Variants in LHFPL6 observed in about 807,000 individuals in gnomAD.
LHFPL6 encodes the protein LHFPL tetraspan subfamily member 6 protein.
LHFPL6 carries 9 observed loss-of-function variants against 20.6 expected under a neutral mutation model. That is an observed-to-expected ratio of 0.44 (90% CI 0.26 to 0.76). The LOEUF (loss-of-function observed/expected upper bound fraction) is 0.76. LHFPL6 is among the 30% of genes least tolerant of loss of function. The pLI is 0.20. For synonymous variants in LHFPL6, 105 were observed against 98.7 expected (o/e 1.06, Z -0.38); for missense variants, 218 against 253.5 (o/e 0.86, Z 0.95).
intron 2 of LHFPL6, among the ~76,000 whole-genome samples, chr13:39,402,794 T>G (rs903076849): frequency 6.6e-6 from 1 of 152,240 alleles, no homozygotes; most frequent in African/African-American, 2.4e-5. Context: ...CTATTGAGAA[T>G]GGCATAAAGG....
At chr13:39,434,127 C>A (rs578236114) in intron 2 of LHFPL6, among the ~76,000 whole-genome samples, 1 of 152,282 alleles carries the variant, frequency 6.6e-6, no homozygotes, top group Non-Finnish European at 1.5e-5. Flanking sequence ...TAAGAGACCT[C>A]TTGGCCCCAG....
chr13:39,511,161 C>G (rs1447011315), intron 2 of LHFPL6, among the ~76,000 whole-genome samples: 1 of 152,090 alleles, frequency 6.6e-6, no homozygotes, highest in East Asian at 1.9e-4. Flanking sequence ...GCGTGAGCCA[C>G]CGCACCTAGC....
At position 39,361,208 on chromosome 13, in the gene LHFPL6, T is replaced by C. The variant is rs1034704424; in HGVS notation, c.485-17154A>G. On this transcript the variant is annotated intron_variant, in intron 3 of 3. Transcript: ENST00000379589. The stretch of plus-strand genomic sequence containing the variant: ...ATTATTATTACTAACGCCGTCACTA[T>C]TAATACTTTTCTGACATCTTAACAA... Among the ~76,000 whole-genome samples, 3 of 98,188 alleles carry C rather than the reference T, an allele frequency of 3.1e-5. 1 individual carries two copies. Among genetic ancestry groups the C allele is most frequent in the Non-Finnish European group, 7.2e-5 (3 of 41,384 alleles). The allele number at this position is 98,188 out of a possible 152,430, so 64.4% of individuals were successfully genotyped here. A position where few individuals can be genotyped will look rare whatever the true frequency, so the allele number is the denominator to read the frequency against.
intron 3 of LHFPL6, among the ~76,000 whole-genome samples, chr13:39,351,521 A>G (rs887705494): frequency 6.6e-6 from 1 of 152,218 alleles, no homozygotes; most frequent in Non-Finnish European, 1.5e-5. Flanking sequence ...TGGCACTTAT[A>G]TGCCCGAGAA....
chr13:39,493,459 A>G (rs1868998776), intron 2 of LHFPL6, among the ~76,000 whole-genome samples: 1 of 152,238 alleles, frequency 6.6e-6, no homozygotes, highest in Non-Finnish European at 1.5e-5. Flanking sequence ...CGTGAATTTT[A>G]TAACACATGT....
chr13:39,425,428 A>C (rs193196091), intron 2 of LHFPL6, among the ~76,000 whole-genome samples: 65 of 152,314 alleles, frequency 4.3e-4, no homozygotes, highest in South Asian at 8.3e-4. Context: ...CTTATGGGAT[A>C]ATACCTAGGA....
At chr13:39,509,582 C>T (rs983432074) in intron 2 of LHFPL6, among the ~76,000 whole-genome samples, 3 of 151,938 alleles carry the variant, frequency 2.0e-5, no homozygotes, top group African/African-American at 7.3e-5. Flanking sequence ...ATTTTTTGGA[C>T]TATTTTAAAG....
At chr13:39,398,969 A>C (rs1415671558) in intron 2 of LHFPL6, among the ~76,000 whole-genome samples, 1 of 152,158 alleles carries the variant, frequency 6.6e-6, no homozygotes, top group Non-Finnish European at 1.5e-5. Context: ...TGGTGCCAGA[A>C]AGTTAGGGTT....
rs183778107 is a variant in LHFPL6, at chr13:39,345,394, T to C, written c.485-1340A>G. Among the ~76,000 whole-genome samples the C allele has an allele frequency of 2.2e-3, 333 of 150,960 alleles. 3 individuals carry two copies. Among genetic ancestry groups the C allele is most frequent in the African/African-American group, 7.4e-3 (304 of 41,156 alleles). On this transcript the variant is annotated intron_variant, in intron 3 of 3. Coordinates refer to ENST00000379589, the MANE Select transcript of LHFPL6 (RefSeq NM_005780.3). ...CAAGCATGGTGGTGGGCACCTGTAATCCCAACTACTCAGGAGGCTGAGGCA... is the reference window on the plus strand; with the variant it reads ...CAAGCATGGTGGTGGGCACCTGTAACCCCAACTACTCAGGAGGCTGAGGCA...
chr13:39,493,287 G>C (rs1292181841), intron 2 of LHFPL6, among the ~76,000 whole-genome samples: 1 of 133,116 alleles, frequency 7.5e-6, no homozygotes, highest in Admixed American at 8.2e-5. Context: ...TGGCCAACAT[G>C]ATGAAACTCC....
At chr13:39,426,992 A>G (rs951216140) in intron 2 of LHFPL6, among the ~76,000 whole-genome samples, 13 of 152,020 alleles carry the variant, frequency 8.6e-5, no homozygotes, top group Middle Eastern at 3.4e-3. Context: ...CAATTGTTCT[A>G]GCTTTATTTA....
intron 2 of LHFPL6, among the ~76,000 whole-genome samples, chr13:39,429,099 T>C (rs1422570498): frequency 1.3e-5 from 2 of 152,132 alleles, no homozygotes; most frequent in Admixed American, 1.3e-4. Context: ...TGAAAAAATG[T>C]GTATTCTGCT....
chr13:39,527,942 T>G (rs1223328873), intron 2 of LHFPL6, among the ~76,000 whole-genome samples: 1 of 152,228 alleles, frequency 6.6e-6, no homozygotes, highest in Non-Finnish European at 1.5e-5. Flanking sequence ...TTCTATAAGA[T>G]TCATGATCAT....
intron 2 of LHFPL6, among the ~76,000 whole-genome samples, chr13:39,455,530 T>G (rs1872549312): frequency 1.3e-5 from 2 of 152,230 alleles, no homozygotes. Flanking sequence ...TATTCTAAAT[T>G]GCCAAGAGTT....
chr13:39,488,075 G>T (rs1868785674), intron 2 of LHFPL6, among the ~76,000 whole-genome samples: 2 of 152,286 alleles, frequency 1.3e-5, no homozygotes, highest in South Asian at 4.2e-4. Context: ...TTTGGGAGAT[G>T]ATTAGGTCAT....
intron 3 of LHFPL6, among the ~76,000 whole-genome samples, chr13:39,355,192 T>A (rs1869691632): frequency 1.3e-5 from 2 of 151,704 alleles, no homozygotes; most frequent in Admixed American, 1.3e-4. Flanking sequence ...TAACAGCAGA[T>A]TTCTTAGCAG....
Position 39,472,239 on chromosome 13 carries a change from A to C in LHFPL6, c.386-93713T>G, listed in dbSNP as rs145240144. Reference sequence around the variant, plus strand: ...GGCCATTGCACAGGAGAAAGGACTCAGACACTAACAAGTAAAAATCACTGA... The same window carrying C: ...GGCCATTGCACAGGAGAAAGGACTCCGACACTAACAAGTAAAAATCACTGA... On this transcript the variant is annotated intron_variant, in intron 2 of 3. Coordinates refer to ENST00000379589, the MANE Select transcript of LHFPL6 (RefSeq NM_005780.3). Among the ~76,000 whole-genome samples, 427 of 152,314 alleles carry C rather than the reference A, an allele frequency of 2.8e-3. 3 individuals are homozygous for C. Among genetic ancestry groups the C allele is most frequent in the African/African-American group, 9.8e-3 (407 of 41,568 alleles).
chr13:39,580,306 C>T (rs551399271), intron 2 of LHFPL6, among the ~76,000 whole-genome samples: 4 of 152,098 alleles, frequency 2.6e-5, no homozygotes, highest in African/African-American at 9.6e-5. Flanking sequence ...TGTCCAGACA[C>T]TGAGAACATG....
At chr13:39,470,001 G>A (rs981509024) in intron 2 of LHFPL6, among the ~76,000 whole-genome samples, 1 of 152,114 alleles carries the variant, frequency 6.6e-6, no homozygotes, top group Non-Finnish European at 1.5e-5. Flanking sequence ...AAGATGTGAA[G>A]GAACATCAGG....
Sources: allele counts gnomAD v4.1 joint callset (sites outside exome capture counted in the v4.1 genomes callset), GRCh38; gene constraint gnomAD v4.1.1; transcripts MANE v1.5; gene names NCBI Gene and HGNC (gene_info 2026-07-23, HGNC 2026-07-21).